The following APOBEC3F variants were observed in gnomAD, a reference collection of about 807,000 sequenced individuals.
The protein encoded by APOBEC3F is DNA dC->dU-editing enzyme APOBEC-3F.
A neutral mutation model predicts 45.8 loss-of-function variants in APOBEC3F; 34 were observed. The ratio of observed to expected loss-of-function variants is 0.74; its 90% CI spans 0.57 to 0.99. The LOEUF is 0.99. Ranked by LOEUF, APOBEC3F falls within the 50% of genes least tolerant of loss-of-function variation. The pLI is 0.00. For synonymous variants in APOBEC3F, 192 were observed against 174.4 expected, an observed-to-expected ratio of 1.10 and a Z score of -0.80; for missense variants, 459 against 474.1, an observed-to-expected ratio of 0.97 and a Z score of 0.30.
chr22:39,048,650 AC>A (rs1569071918), intron 4 of APOBEC3F, among the ~76,000 whole-genome samples: 1 of 152,098 alleles, frequency 6.6e-6, no homozygotes, highest in African/African-American at 2.4e-5. Flanking sequence ...TACTAAAAAT[AC>A]AAAAAATTAG....
intron 4 of APOBEC3F, 33 bp from the exon 5 acceptor site, chr22:39,049,392 C>T: frequency 6.2e-7 from 1 of 1,608,930 alleles, no homozygotes; most frequent in Non-Finnish European, 8.5e-7. Flanking sequence ...CCAGGGGGGT[C>T]TCTGCATTGG....
At chr22:39,047,503 C>T (rs1927280316) in intron 4 of APOBEC3F, among the ~76,000 whole-genome samples, 1 of 152,198 alleles carries the variant, frequency 6.6e-6, no homozygotes, top group East Asian at 1.9e-4. Flanking sequence ...CATGAAGCCC[C>T]AGATCAGGGA....
chr22:39,044,882 C>A, intron 2 of APOBEC3F, 59 bp from the exon 3 acceptor site: 1 of 1,516,354 alleles, frequency 6.6e-7, no homozygotes, highest in Non-Finnish European at 8.9e-7. Flanking sequence ...CCTGCCCCAC[C>A]CCTGCACTCC....
intron 1 of APOBEC3F, 148 bp from the exon 2 acceptor site, chr22:39,042,789 C>T (rs1926981314): frequency 3.2e-6 from 4 of 1,255,942 alleles, no homozygotes; most frequent in Admixed American, 2.8e-5. Flanking sequence ...CCCGGTCTTC[C>T]TGCCTGGGAA....
In APOBEC3F at chr22:39,055,729, A is replaced by T. The variant is rs188720678; in HGVS notation, c.*3034A>T. On this transcript the variant is annotated 3_prime_UTR_variant, in exon 7 of 7. Transcript: ENST00000308521. ...ACCTGACCGCTTGTTTTATCTAAAGATTCCAGACATTGTATGAGGAAGCAT... is the reference window on the plus strand; with the variant it reads ...ACCTGACCGCTTGTTTTATCTAAAGTTTCCAGACATTGTATGAGGAAGCAT... Among the ~76,000 whole-genome samples the T allele has an allele frequency of 3.3e-5, 5 of 152,282 alleles. No individual in the cohort carries two copies. In the East Asian group the frequency reaches 9.6e-4, roughly 29 times the overall value.
intron 4 of APOBEC3F, among the ~76,000 whole-genome samples, chr22:39,048,639 C>T (rs1442025015): frequency 6.6e-6 from 1 of 152,160 alleles, no homozygotes; most frequent in Non-Finnish European, 1.5e-5. Flanking sequence ...AACCCCATCT[C>T]TACTAAAAAT....
chr22:39,050,529 C>A (rs1927436171), intron 5 of APOBEC3F, among the ~76,000 whole-genome samples: 1 of 144,414 alleles, frequency 6.9e-6, no homozygotes, highest in Non-Finnish European at 1.5e-5. Flanking sequence ...TGTTCCCAGT[C>A]CCCACACGCT....
At chr22:39,046,964 G>C (rs1398290052) in intron 4 of APOBEC3F, among the ~76,000 whole-genome samples, 1 of 152,160 alleles carries the variant, frequency 6.6e-6, no homozygotes, top group African/African-American at 2.4e-5. Flanking sequence ...GCCCTCGGGA[G>C]AGACGGGAAC....
chr22:39,043,968 T>C (rs1927064534), intron 2 of APOBEC3F: 1 of 1,391,784 alleles, frequency 7.2e-7, no homozygotes, highest in Non-Finnish European at 9.5e-7. Context: ...GAGGTTGTAG[T>C]GAGCCGAGAT....
chr22:39,043,762 T>C (rs1451128843), intron 2 of APOBEC3F, among the ~76,000 whole-genome samples: 3 of 151,286 alleles, frequency 2.0e-5, no homozygotes, highest in Non-Finnish European at 2.9e-5. Context: ...CTCGCGCCTG[T>C]AATCCCAGCA....
In APOBEC3F at chr22:39,054,388, C is replaced by T. The variant is rs888274063; in HGVS notation, c.*1693C>T. Among the ~76,000 whole-genome samples the T allele has an allele frequency of 1.3e-5, 2 of 152,282 alleles. No homozygotes were observed. Among genetic ancestry groups the T allele is most frequent in the Non-Finnish European group, 1.5e-5 (1 of 68,030 alleles). Reference sequence around the variant, plus strand: ...CTGGGATTACATGCGCGTGCCACCACGCCTAGCTAATTTTTGTGTTTTTAG... The same window carrying T: ...CTGGGATTACATGCGCGTGCCACCATGCCTAGCTAATTTTTGTGTTTTTAG... On this transcript the variant is annotated 3_prime_UTR_variant, in exon 7 of 7. Coordinates refer to ENST00000308521, the MANE Select transcript of APOBEC3F (RefSeq NM_145298.6).
chr22:39,046,902 A>C (rs1386984577), intron 4 of APOBEC3F, among the ~76,000 whole-genome samples: 1 of 152,166 alleles, frequency 6.6e-6, no homozygotes, highest in Non-Finnish European at 1.5e-5. Context: ...TCCAGGAAGC[A>C]CAATAGAAAA....
intron 5 of APOBEC3F, among the ~76,000 whole-genome samples, chr22:39,049,950 C>G (rs1301462291): frequency 6.7e-6 from 1 of 148,788 alleles, no homozygotes; most frequent in African/African-American, 2.5e-5. Flanking sequence ...TGATCCGCCC[C>G]CCTCGGCCTC....
intron 4 of APOBEC3F, 63 bp from the exon 5 acceptor site, chr22:39,049,362 G>A: frequency 6.4e-7 from 1 of 1,570,186 alleles, no homozygotes. Flanking sequence ...GGTGTTCAGT[G>A]GGCATCAGCT....
chr22:39,049,137 G>A (rs1165129857), intron 4 of APOBEC3F, among the ~76,000 whole-genome samples: 1 of 152,198 alleles, frequency 6.6e-6, no homozygotes, highest in Non-Finnish European at 1.5e-5. Flanking sequence ...AGGGCGAAGA[G>A]TTTTATTGTC....
chr22:39,041,669 T>C (rs948981722), intron 1 of APOBEC3F, among the ~76,000 whole-genome samples: 4 of 151,902 alleles, frequency 2.6e-5, no homozygotes, highest in African/African-American at 7.3e-5. Flanking sequence ...TTCGAGACCA[T>C]CCTGATCAAC....
In APOBEC3F at chr22:39,052,343, G is replaced by C. The variant is rs1370303956; in HGVS notation, c.993G>C (p.Met331Ile). The C allele has an allele frequency of 1.9e-6, 3 of 1,614,014 alleles. No homozygotes were observed. In the Admixed American group the frequency reaches 5.0e-5, roughly 27 times the overall value. Residue 331 changes from methionine to isoleucine, a missense_variant, in exon 6 of 7, where the codon ATG (methionine) becomes ATC (isoleucine). Physicochemically the swap from Met to Ile is conservative, Grantham distance 10. Transcript: ENST00000308521. ...LSQEGASVEI[M>I]GYKDFKYCWE... ...AGGAAGGGGCCTCCGTGGAGATCAT[G>C]GGCTACAAAGGTGAGACGTTGGGGG... is the stretch of plus-strand genomic sequence containing the variant.
At chr22:39,045,306 C>T (rs930140952) in intron 3 of APOBEC3F, 86 bp downstream of exon 3, 105 of 1,595,826 alleles carry the variant, frequency 6.6e-5, no homozygotes, top group Middle Eastern at 5.0e-4. Context: ...CTGGGGGTGT[C>T]CCAGGGCAGC....
chr22:39,042,790 T>A, intron 1 of APOBEC3F, 147 bp from the exon 2 acceptor site: 1 of 1,267,082 alleles, frequency 7.9e-7, no homozygotes, highest in Non-Finnish European at 1.1e-6. Context: ...CCGGTCTTCC[T>A]GCCTGGGAAG....
Sources: gnomAD v4.1 joint callset for allele counts (sites outside exome capture counted in the v4.1 genomes callset) on GRCh38, gnomAD v4.1.1 for gene constraint, MANE v1.5 for transcripts, NCBI Gene and HGNC (gene_info 2026-07-23, HGNC 2026-07-21) for gene names.